TG: variants seen among roughly 807,000 people sequenced by gnomAD.
TG encodes the protein thyroglobulin, also known as thyroid hormones.
In TG, 270 loss-of-function variants were observed where a neutral mutation model predicts 324.7. That is an observed-to-expected ratio of 0.83 (90% CI 0.75 to 0.92). The LOEUF (loss-of-function observed/expected upper bound fraction) is 0.92. Among genes scored for constraint, TG ranks in the 40% least tolerant of loss-of-function variants. The pLI is 0.00. For missense variants in TG, 3,591 were observed against 3,456.4 expected, an observed-to-expected ratio of 1.04 and a Z score of -0.98; for synonymous variants, 1,401 against 1,327.0, an observed-to-expected ratio of 1.06 and a Z score of -1.21.
Position 132,886,681 on chromosome 8 carries a change from G to GA in TG, c.1313dup (p.Asn438LysfsTer47). 1 of 1,614,190 alleles carries GA rather than the reference G, an allele frequency of 6.2e-7. No homozygotes were observed. Among genetic ancestry groups the GA allele is most frequent in the Non-Finnish European group, 8.5e-7 (1 of 1,180,042 alleles). On this transcript the variant is annotated frameshift_variant, in exon 9 of 48. Transcript: ENST00000220616. LOFTEE classifies it high-confidence loss of function. ...ACAGAGCCAACAGTTTTCTGTCTCAGAAAATCTTCTCAAAGAAGCCATCCG... is the reference window on the plus strand; with the variant it reads ...ACAGAGCCAACAGTTTTCTGTCTCAGAAAAATCTTCTCAAAGAAGCCATCCG...
chr8:132,909,726 G>A (rs1245573541), intron 18 of TG, among the ~76,000 whole-genome samples: 7 of 152,210 alleles, frequency 4.6e-5, no homozygotes, highest in African/African-American at 1.4e-4. Flanking sequence ...AATCATCTGT[G>A]AAATGGGTTT....
At chr8:132,963,929 C>A (rs1222773018) in intron 29 of TG, among the ~76,000 whole-genome samples, 3 of 152,064 alleles carry the variant, frequency 2.0e-5, no homozygotes, top group Non-Finnish European at 4.4e-5. Flanking sequence ...TGCTTCCCTG[C>A]TAAGATCCCT....
At chr8:132,935,270 A>G (rs1323247315) in intron 24 of TG, among the ~76,000 whole-genome samples, 1 of 151,584 alleles carries the variant, frequency 6.6e-6, no homozygotes, top group East Asian at 1.9e-4. Context: ...CCTCCTGAGT[A>G]GCTGGGATTA....
chr8:132,875,362 A>G (rs1839860424), intron 5 of TG, among the ~76,000 whole-genome samples: 1 of 152,240 alleles, frequency 6.6e-6, no homozygotes, highest in Admixed American at 6.5e-5. Flanking sequence ...GGAATTTTAT[A>G]TCCTTTAACT....
At position 133,116,719 on chromosome 8, in the gene TG, A is replaced by T; in HGVS notation, c.7862+3A>T. 6.2e-7 allele frequency: 1 copy of T among 1,613,248 alleles called. No individual in the cohort carries two copies. Among genetic ancestry groups the T allele is most frequent in the African/African-American group, 1.3e-5 (1 of 75,050 alleles). On this transcript the variant is annotated splice_donor_region_variant and intron_variant, in intron 45 of 47. Transcript: ENST00000220616. ...CCTGAAAACTACGGCCATGGCAGGT[A>T]AGACGCTGCAGGGAAGCAGAGAAAG...
intron 35 of TG, among the ~76,000 whole-genome samples, chr8:132,987,407 T>C (rs1831709502): frequency 6.7e-6 from 1 of 148,194 alleles, no homozygotes; most frequent in Admixed American, 6.7e-5. Context: ...GCACTGTGTA[T>C]ATGTAAAATA....
chr8:132,994,809 G>A (rs1403767545), intron 35 of TG: 7 of 1,287,116 alleles, frequency 5.4e-6, no homozygotes, highest in Non-Finnish European at 7.1e-6. Flanking sequence ...GGGAAGGTGA[G>A]ATGGGGAAAG....
At chr8:133,029,299 A>G (rs75270202) in intron 40 of TG, among the ~76,000 whole-genome samples, 7,360 of 152,116 alleles carry the variant, frequency 0.048, 229 homozygotes, top group Middle Eastern at 0.095. Flanking sequence ...AAAGAGATCA[A>G]TTCAGTTGCA....
intron 34 of TG, among the ~76,000 whole-genome samples, chr8:132,981,877 A>G (rs746116830): frequency 1.7e-4 from 26 of 152,192 alleles, no homozygotes; most frequent in Non-Finnish European, 7.3e-5. Flanking sequence ...AGGCTCTAGA[A>G]TGCAAAGAGG....
In TG at chr8:132,886,806, G is replaced by A. The variant is rs116254142; in HGVS notation, c.1434G>A (p.Val478=). The change falls in exon 9 of 48, where the codon GTG becomes GTA. Residue 478 remains valine, a synonymous_variant. Coordinates refer to ENST00000220616, the MANE Select transcript of TG (RefSeq NM_003235.5). The part of the protein sequence containing the change: ...QQNLFGGKFL[V]NVGQFNLSGA... Reference sequence around the variant, plus strand: ...ACCTTTTTGGAGGGAAATTTTTGGTGAATGTTGGCCAGTTTAACTTGTCTG... The same window carrying A: ...ACCTTTTTGGAGGGAAATTTTTGGTAAATGTTGGCCAGTTTAACTTGTCTG... The A allele has an allele frequency of 8.5e-3, 13,738 of 1,614,206 alleles. 78 individuals are homozygous for A. Among genetic ancestry groups the A allele is most frequent in the Non-Finnish European group, 9.9e-3 (11,720 of 1,180,042 alleles).
intron 23 of TG, among the ~76,000 whole-genome samples, chr8:132,931,827 A>G (rs1426904463): frequency 6.6e-6 from 1 of 152,170 alleles, no homozygotes; most frequent in African/African-American, 2.4e-5. Flanking sequence ...TGGGCACAGT[A>G]GCTCATGCTT....
intron 5 of TG, among the ~76,000 whole-genome samples, chr8:132,876,294 G>A (rs770375899): frequency 2.6e-5 from 4 of 152,166 alleles, no homozygotes; most frequent in Admixed American, 6.5e-5. Context: ...ACAGAACTTG[G>A]TGAAGGAATT....
At chr8:132,992,780 GGAT>G (rs1044098223) in intron 35 of TG, among the ~76,000 whole-genome samples, 1 of 152,096 alleles carries the variant, frequency 6.6e-6, no homozygotes, top group African/African-American at 2.4e-5. Flanking sequence ...TTCCTCCAAG[GGAT>G]GGCTGACCAC....
intron 8 of TG, among the ~76,000 whole-genome samples, chr8:132,883,998 G>A (rs929095686): frequency 1.3e-5 from 2 of 152,162 alleles, no homozygotes; most frequent in Non-Finnish European, 2.9e-5. Context: ...CCAGCAATCT[G>A]TGCATTCTTT....
intron 41 of TG, chr8:133,047,882 C>T (rs376815059): frequency 8.7e-6 from 14 of 1,612,892 alleles, no homozygotes; most frequent in Non-Finnish European, 1.1e-5. Context: ...TTGTGTCTGG[C>T]AGCTGCAGCA....
chr8:132,988,746 G>C, intron 35 of TG: 1 of 985,474 alleles, frequency 1.0e-6, no homozygotes, highest in South Asian at 4.7e-5. Context: ...CTGCAGGTTA[G>C]CTTGAGTTAT....
chr8:133,051,770 A>T lies in TG; in HGVS notation c.7239+21747A>T, dbSNP rs562609073. Among the ~76,000 whole-genome samples, 8 of 152,278 alleles carry T rather than the reference A, an allele frequency of 5.3e-5. No homozygotes were observed. In the East Asian group the frequency reaches 1.3e-3, roughly 26 times the overall value. The stretch of plus-strand genomic sequence containing the variant: ...GCATTAGATGCAGGGTAATATTTGG[A>T]TACATTTTTGGGGGAAATAACAAGA... On this transcript the variant is annotated intron_variant, in intron 41 of 47. Coordinates refer to ENST00000220616, the MANE Select transcript of TG (RefSeq NM_003235.5).
intron 26 of TG, among the ~76,000 whole-genome samples, chr8:132,943,497 A>G (rs1824770193): frequency 6.6e-6 from 1 of 152,126 alleles, no homozygotes; most frequent in African/African-American, 2.4e-5. Context: ...TAGCATTGCT[A>G]GAACAGCCAA....
At chr8:133,018,024 G>T in intron 38 of TG, 27 bp downstream of exon 38, 1 of 1,607,026 alleles carries the variant, frequency 6.2e-7, no homozygotes, top group South Asian at 1.1e-5. Flanking sequence ...GCACATCTTG[G>T]TAAATGCTCA....
Sources: allele counts gnomAD v4.1 joint callset (sites outside exome capture counted in the v4.1 genomes callset), GRCh38; gene constraint gnomAD v4.1.1; transcripts MANE v1.5; gene names NCBI Gene and HGNC (gene_info 2026-07-23, HGNC 2026-07-21).